Variants in TCF7L2 observed in about 807,000 individuals in gnomAD.
The protein encoded by TCF7L2 is transcription factor 7-like 2.
TCF7L2 carries 23 observed loss-of-function variants against 77.9 expected under a neutral mutation model. The observed-to-expected ratio is 0.30, with a 90% confidence interval of 0.21 to 0.42. The LOEUF (loss-of-function observed/expected upper bound fraction) is 0.42. Ranked by LOEUF, TCF7L2 falls within the 10% of genes least tolerant of loss-of-function variation. The pLI, the probability that TCF7L2 is intolerant of heterozygous loss-of-function variation, is 1.00. For missense variants in TCF7L2, 654 were observed against 793.1 expected, an observed-to-expected ratio of 0.82 and a Z score of 2.11; for synonymous variants, 413 against 340.2, an observed-to-expected ratio of 1.21 and a Z score of -2.36.
At chr10:112,981,054 G>T (rs2040393123) in intron 4 of TCF7L2, among the ~76,000 whole-genome samples, 1 of 152,190 alleles carries the variant, frequency 6.6e-6, no homozygotes, top group South Asian at 2.1e-4. Flanking sequence ...ATTTGAAAGT[G>T]TCCCTAAGCT....
intron 5 of TCF7L2, among the ~76,000 whole-genome samples, chr10:113,099,969 C>T (rs74960516): frequency 2.0e-5 from 3 of 152,284 alleles, no homozygotes; most frequent in East Asian, 1.9e-4. Context: ...CTGCCCTCCA[C>T]GCAAGTACCC....
At chr10:112,966,775 A>G (rs1266251633) in intron 4 of TCF7L2, among the ~76,000 whole-genome samples, 3 of 152,172 alleles carry the variant, frequency 2.0e-5, no homozygotes, top group Admixed American at 6.5e-5. Context: ...GGCCATGTGA[A>G]GCTCTTTCTC....
chr10:113,083,788 GC>G (rs1330707047), intron 5 of TCF7L2, among the ~76,000 whole-genome samples: 2 of 152,102 alleles, frequency 1.3e-5, no homozygotes, highest in African/African-American at 2.4e-5. Context: ...TAGTGGAATG[GC>G]CCTTAGCAAT....
intron 4 of TCF7L2, among the ~76,000 whole-genome samples, chr10:112,984,315 T>G (rs1228517387): frequency 6.6e-6 from 1 of 150,830 alleles, no homozygotes; most frequent in East Asian, 1.9e-4. Context: ...TTTGTTTTTG[T>G]TTTTTTTTGG....
At chr10:113,043,802 G>A (rs79565665) in intron 5 of TCF7L2, among the ~76,000 whole-genome samples, 2 of 152,042 alleles carry the variant, frequency 1.3e-5, no homozygotes, top group Non-Finnish European at 1.5e-5. Context: ...CAAAATGAGT[G>A]CCAAGCAGCT....
intron 5 of TCF7L2, among the ~76,000 whole-genome samples, chr10:113,122,750 TA>T (rs2064998227): frequency 6.6e-6 from 1 of 152,218 alleles, no homozygotes; most frequent in African/African-American, 2.4e-5. Flanking sequence ...GAATTTCTAG[TA>T]AATTGCTTTA....
rs140504762 is a variant in TCF7L2, at chr10:113,095,845, C to T, written c.553-45339C>T. ...TAGCCTCAGTGAGCCCACTTGACAC[C>T]CCCCAGGGTGCTGCAAGCTGTGCCC... On this transcript the variant is annotated intron_variant, in intron 5 of 13. Transcript: ENST00000627217. 5.4e-4 allele frequency among the ~76,000 whole-genome samples: 82 copies of T among 152,316 alleles called. 3 individuals carry two copies. The highest frequency in any genetic ancestry group is 1.9e-4 in the East Asian group (1 of 5,176).
At chr10:113,027,379 G>T (rs2049367573) in intron 4 of TCF7L2, among the ~76,000 whole-genome samples, 1 of 152,166 alleles carries the variant, frequency 6.6e-6, no homozygotes, top group Non-Finnish European at 1.5e-5. Context: ...TCATGTGTCA[G>T]AGAGGGTGCC....
chr10:113,104,245 A>G (rs2061997954), intron 5 of TCF7L2, among the ~76,000 whole-genome samples: 1 of 152,166 alleles, frequency 6.6e-6, no homozygotes, highest in African/African-American at 2.4e-5. Flanking sequence ...GTGTCTGTCT[A>G]TGTGTCCCAC....
chr10:113,117,432 T>TTCTC (rs2063968903), intron 5 of TCF7L2, among the ~76,000 whole-genome samples: 1 of 32,396 alleles, frequency 3.1e-5, no homozygotes, highest in Non-Finnish European at 6.1e-5. Flanking sequence ...TCTCTCTCTC[T>TTCTC]CCCTCTCTCT....
At chr10:113,071,706 T>C (rs1437390296) in intron 5 of TCF7L2, among the ~76,000 whole-genome samples, 1 of 152,172 alleles carries the variant, frequency 6.6e-6, no homozygotes, top group Non-Finnish European at 1.5e-5. Context: ...GGGCGAGTTG[T>C]GTGTGAGTTG....
chr10:113,158,121 CT>C (rs1163784854), intron 12 of TCF7L2, 52 bp downstream of exon 12: 1 of 1,551,610 alleles, frequency 6.4e-7, no homozygotes, highest in East Asian at 2.4e-5. Flanking sequence ...GAGGACCACC[CT>C]TTTATGTTAG....
chr10:113,115,458 A>G (rs1461763782), intron 5 of TCF7L2, among the ~76,000 whole-genome samples: 4 of 152,314 alleles, frequency 2.6e-5, no homozygotes, highest in Non-Finnish European at 4.4e-5. Context: ...CAAATCTTGT[A>G]TCGCTTGTTA....
At chr10:113,099,319 G>A (rs1243377884) in intron 5 of TCF7L2, among the ~76,000 whole-genome samples, 1 of 152,044 alleles carries the variant, frequency 6.6e-6, no homozygotes, top group Non-Finnish European at 1.5e-5. Flanking sequence ...TTTAAGATTT[G>A]GGCATAATGT....
chr10:113,086,620 C>A (rs1310651051), intron 5 of TCF7L2, among the ~76,000 whole-genome samples: 1 of 152,118 alleles, frequency 6.6e-6, no homozygotes, highest in East Asian at 1.9e-4. Context: ...AGGGGGTTGC[C>A]CCCTAAGTAA....
chr10:113,005,701 G>T (rs144625727), intron 4 of TCF7L2, among the ~76,000 whole-genome samples: 139 of 152,276 alleles, frequency 9.1e-4, no homozygotes, highest in African/African-American at 3.2e-3. Flanking sequence ...CTGCAAAGGG[G>T]TTGGCTGGGG....
At chr10:113,139,823 A>G (rs2068026554) in intron 5 of TCF7L2, among the ~76,000 whole-genome samples, 1 of 151,806 alleles carries the variant, frequency 6.6e-6, no homozygotes, top group Non-Finnish European at 1.5e-5. Flanking sequence ...AAAAAAAAAA[A>G]AAAAAAAGGA....
rs751324918 is a variant in TCF7L2 at position 113,141,204 on chromosome 10, G to A, written c.573G>A (p.Val191=). ...CACAGTCTAACAAAGTGCCAGTGGT[G>A]CAGCACCCTCACCATGTCCACCCCC... The change falls in exon 6 of 14, where the codon GTG becomes GTA. Residue 191 remains valine (V), a synonymous_variant. Transcript: ENST00000627217. 1.8e-5 allele frequency: 29 copies of A among 1,614,120 alleles called. No homozygotes were observed. Among genetic ancestry groups the A allele is most frequent in the Non-Finnish European group, 2.5e-5 (29 of 1,180,016 alleles).
intron 5 of TCF7L2, among the ~76,000 whole-genome samples, chr10:113,088,907 C>T (rs1474117854): frequency 6.6e-6 from 1 of 150,574 alleles, no homozygotes; most frequent in Non-Finnish European, 1.5e-5. Context: ...AGTTTAAGTC[C>T]AGTCCGGGCA....
Sources: allele counts gnomAD v4.1 joint callset (sites outside exome capture counted in the v4.1 genomes callset), GRCh38; gene constraint gnomAD v4.1.1; transcripts MANE v1.5; gene names NCBI Gene and HGNC (gene_info 2026-07-23, HGNC 2026-07-21).